The following DNAH3 variants were observed in gnomAD, a reference collection of about 807,000 sequenced individuals.
The protein encoded by DNAH3 is axonemal beta dynein heavy chain 3.
In DNAH3, 332 loss-of-function variants were observed where a neutral mutation model predicts 432.5. That is an observed-to-expected ratio of 0.77 (90% confidence interval 0.70 to 0.84). The LOEUF (loss-of-function observed/expected upper bound fraction) is 0.84. Among genes scored for constraint, DNAH3 ranks in the 40% least tolerant of loss-of-function variants. The pLI, the probability that DNAH3 is intolerant of heterozygous loss-of-function variation, is 0.00. For synonymous variants in DNAH3, 1,956 were observed against 1,900.2 expected (o/e 1.03, Z -0.76); for missense variants, 4,861 against 5,114.0 (o/e 0.95, Z 1.51).
At chr16:21,075,771 G>A (rs186804269) in intron 20 of DNAH3, among the ~76,000 whole-genome samples, 1 of 151,950 alleles carries the variant, frequency 6.6e-6, no homozygotes, top group Admixed American at 6.6e-5. Context: ...AAATTAGCCA[G>A]GTGTGGTGTA....
rs770421624 is a variant in DNAH3 at position 20,963,750 on chromosome 16, G to A, written c.10134C>T (p.Thr3378=). ...CCTTCTTCTGTTTCATGATGCCGAT[G>A]GTCAGGAGGAGAGAGAAGAGTAGCT... Residue 3378 remains threonine, a synonymous_variant, in exon 53 of 62, where the codon ACC becomes ACT. Transcript: ENST00000261383. 3.1e-6 allele frequency: 5 copies of A among 1,613,914 alleles called. No homozygotes were observed. In the South Asian group the frequency reaches 4.4e-5, roughly 14 times the overall value.
At chr16:21,094,707 T>C (rs548765913) in intron 18 of DNAH3, among the ~76,000 whole-genome samples, 4 of 152,184 alleles carry the variant, frequency 2.6e-5, no homozygotes, top group Admixed American at 1.3e-4. Context: ...CAGTGGCTGG[T>C]TGATATGGTT....
At chr16:21,050,675 A>C (rs1162778168) in intron 29 of DNAH3, among the ~76,000 whole-genome samples, 1 of 152,166 alleles carries the variant, frequency 6.6e-6, no homozygotes, top group Admixed American at 6.5e-5. Flanking sequence ...AACTTCTGGG[A>C]TCAAGTGATC....
chr16:20,987,417 T>C (rs778091795), exon 47 of DNAH3: 18 of 1,614,200 alleles, frequency 1.1e-5, no homozygotes, highest in East Asian at 2.2e-5. Flanking sequence ...ATAAACCTCA[T>C]GGATCCAAAG....
intron 47 of DNAH3, among the ~76,000 whole-genome samples, chr16:20,985,968 G>C (rs987293771): frequency 2.0e-5 from 3 of 151,796 alleles, no homozygotes; most frequent in African/African-American, 7.3e-5. Context: ...CGATTCTCCC[G>C]CCTCAGCCTC....
At chr16:21,001,267 G>C (rs2087004699) in intron 42 of DNAH3, among the ~76,000 whole-genome samples, 1 of 152,128 alleles carries the variant, frequency 6.6e-6, no homozygotes, top group Admixed American at 6.5e-5. Flanking sequence ...ACCTTGGCTT[G>C]GATTCTCTGA....
intron 1 of DNAH3, among the ~76,000 whole-genome samples, chr16:21,147,943 C>A (rs1392183205): frequency 6.6e-6 from 1 of 152,220 alleles, no homozygotes; most frequent in Non-Finnish European, 1.5e-5. Flanking sequence ...TTGAGAGGTG[C>A]TGCCGTTCAG....
At chr16:21,019,492 A>G in intron 41 of DNAH3, 132 bp downstream of exon 41, 1 of 982,104 alleles carries the variant, frequency 1.0e-6, no homozygotes, top group South Asian at 1.6e-5. Context: ...AATTCCTTAC[A>G]TATTTATTAG....
intron 23 of DNAH3, among the ~76,000 whole-genome samples, chr16:21,067,794 A>AGAGAGAGAGG (rs1242311053): frequency 7.7e-6 from 1 of 130,604 alleles, no homozygotes; most frequent in Admixed American, 8.4e-5. Flanking sequence ...AGAGAGAGAG[A>AGAGAGAGAGG]GAGAGAGACT....
chr16:20,988,718 G>C (rs1309935513), intron 44 of DNAH3, among the ~76,000 whole-genome samples: 1 of 152,224 alleles, frequency 6.6e-6, no homozygotes, highest in Non-Finnish European at 1.5e-5. Context: ...GAATTGGTGG[G>C]TTCTTAGTCT....
exon 46 of DNAH3, chr16:20,987,842 T>C (rs778719026): frequency 1.2e-6 from 2 of 1,614,082 alleles, no homozygotes; most frequent in Non-Finnish European, 1.7e-6. Context: ...ACCAGCATCT[T>C]TCCGTACCTT....
At chr16:21,028,664 AAAAG>A (rs953750284) in intron 37 of DNAH3, among the ~76,000 whole-genome samples, 1 of 151,940 alleles carries the variant, frequency 6.6e-6, no homozygotes. Flanking sequence ...AAAAAAAAAA[AAAAG>A]AAAGAAAAAT....
intron 52 of DNAH3, among the ~76,000 whole-genome samples, chr16:20,967,009 T>C (rs2085094898): frequency 6.6e-6 from 1 of 152,146 alleles, no homozygotes; most frequent in Non-Finnish European, 1.5e-5. Context: ...TGGAAAAAAT[T>C]TGGGAAGCTT....
chr16:21,129,644 G>A (rs921939157), intron 7 of DNAH3, among the ~76,000 whole-genome samples: 10 of 151,956 alleles, frequency 6.6e-5, no homozygotes, highest in African/African-American at 2.2e-4. Flanking sequence ...GGCTGAGGCA[G>A]GAGAATTGTT....
intron 57 of DNAH3, among the ~76,000 whole-genome samples, chr16:20,947,100 C>T (rs1444198995): frequency 6.6e-6 from 1 of 152,072 alleles, no homozygotes; most frequent in Non-Finnish European, 1.5e-5. Context: ...GCTGGGATTA[C>T]AGGCATGAGC....
intron 32 of DNAH3, 141 bp from the exon 33 acceptor site, chr16:21,040,084 A>C: frequency 1.4e-6 from 1 of 727,000 alleles, no homozygotes; most frequent in Admixed American, 2.6e-5. Flanking sequence ...CTGGGGGACA[A>C]GTGAGTGCAG....
At chr16:20,953,404 C>T (rs1431327258) in intron 55 of DNAH3, among the ~76,000 whole-genome samples, 1 of 152,126 alleles carries the variant, frequency 6.6e-6, no homozygotes, top group African/African-American at 2.4e-5. Context: ...AGTGATCCGC[C>T]TGCCTCGGCC....
chr16:20,950,848 G>C (rs1036551778), intron 56 of DNAH3, among the ~76,000 whole-genome samples: 1 of 151,954 alleles, frequency 6.6e-6, no homozygotes, highest in Non-Finnish European at 1.5e-5. Context: ...TAAGAGATGG[G>C]GTCTTGCTCT....
intron 52 of DNAH3, among the ~76,000 whole-genome samples, 190 bp downstream of exon 52, chr16:20,969,602 G>A (rs2085236627): frequency 6.6e-6 from 1 of 152,214 alleles, no homozygotes; most frequent in Non-Finnish European, 1.5e-5. Context: ...TGACTGAGAG[G>A]GCGGAGGCCG....
Sources: allele counts gnomAD v4.1 joint callset (sites outside exome capture counted in the v4.1 genomes callset), GRCh38; gene constraint gnomAD v4.1.1; transcripts MANE v1.5; gene names NCBI Gene and HGNC (gene_info 2026-07-23, HGNC 2026-07-21).